The following MAP3K13 variants were observed in gnomAD, a reference collection of about 807,000 sequenced individuals.
MAP3K13 encodes the protein mitogen-activated protein kinase kinase kinase 13.
In MAP3K13, 52 loss-of-function variants were observed where a neutral mutation model predicts 104.0. That is an observed-to-expected ratio of 0.50 (90% CI 0.40 to 0.63). The LOEUF (loss-of-function observed/expected upper bound fraction) is 0.63, where lower values mean the gene tolerates loss of function less well. Ranked by LOEUF, MAP3K13 falls within the 20% of genes least tolerant of loss-of-function variation. MAP3K13 has a pLI of 0.00. For synonymous variants in MAP3K13, 394 were observed against 442.2 expected, an observed-to-expected ratio of 0.89 and a Z score of 1.37; for missense variants, 914 against 1,218.5, an observed-to-expected ratio of 0.75 and a Z score of 3.72.
At chr3:185,442,832 C>A (rs937346759) in intron 3 of MAP3K13, among the ~76,000 whole-genome samples, 2 of 151,524 alleles carry the variant, frequency 1.3e-5, no homozygotes, top group African/African-American at 4.9e-5. Context: ...CGCGGCCTGG[C>A]CAAATTATTA....
rs570204966 is a variant in MAP3K13 at position 185,471,211 on chromosome 3, C to T, written c.1644-1764C>T. Among the ~76,000 whole-genome samples, 6 of 151,884 alleles carry T rather than the reference C, an allele frequency of 4.0e-5. No homozygotes were observed. In the South Asian group the frequency reaches 1.2e-3, roughly 32 times the overall value. ...TTTTGGCTAACTTTCTAAAACACTC[C>T]TATAATAAGCAGATATTGTCATTAT... On this transcript the variant is annotated intron_variant, in intron 10 of 13. Coordinates refer to ENST00000265026, the MANE Select transcript of MAP3K13 (RefSeq NM_004721.5).
At chr3:185,357,453 AAAAAAAAAAAAAAAG>A (rs1178862519) in intron 2 of MAP3K13, among the ~76,000 whole-genome samples, 1 of 150,712 alleles carries the variant, frequency 6.6e-6, no homozygotes, top group African/African-American at 2.4e-5. Context: ...CATCTAAAAA[AAAAAAAAAAAAAAAG>A]AAAAAAAGAA....
chr3:185,459,317 C>T (rs1234335411), intron 7 of MAP3K13, among the ~76,000 whole-genome samples: 4 of 152,052 alleles, frequency 2.6e-5, no homozygotes, highest in Non-Finnish European at 4.4e-5. Flanking sequence ...CTCTAATAAG[C>T]CCCCCAAATC....
At chr3:185,417,388 T>G (rs1713839673) in intron 1 of MAP3K13, 1 of 1,168,304 alleles carries the variant, frequency 8.6e-7, no homozygotes, top group Non-Finnish European at 1.2e-6. Flanking sequence ...TGTTCTTTTC[T>G]TTTCTTTTCT....
Position 185,389,559 on chromosome 3 carries a change from T to A in MAP3K13, c.-86+26191T>A, listed in dbSNP as rs551349673. On this transcript the variant is annotated intron_variant, in intron 1 of 13. Coordinates refer to ENST00000265026, the MANE Select transcript of MAP3K13 (RefSeq NM_004721.5). Reference sequence around the variant, plus strand: ...TTGATACCTGGGGGAAATTTTTTTTTAAAAAAAGATAGAAAAGAAAAAGAA... The same window carrying A: ...TTGATACCTGGGGGAAATTTTTTTTAAAAAAAAGATAGAAAAGAAAAAGAA... Among the ~76,000 whole-genome samples, 69 of 151,808 alleles carry A rather than the reference T, an allele frequency of 4.5e-4. 1 individual carries two copies. Among genetic ancestry groups the A allele is most frequent in the East Asian group, 2.9e-3 (15 of 5,170 alleles).
At chr3:185,400,700 T>A (rs933868975) in intron 1 of MAP3K13, among the ~76,000 whole-genome samples, 10 of 152,166 alleles carry the variant, frequency 6.6e-5, no homozygotes. Flanking sequence ...ACGAAAGATC[T>A]AAATTTTAAG....
chr3:185,396,730 CAAACAAA>C (rs1712446299), intron 1 of MAP3K13, among the ~76,000 whole-genome samples: 1 of 152,170 alleles, frequency 6.6e-6, no homozygotes, highest in African/African-American at 2.4e-5. Context: ...TAGTTGTCCC[CAAACAAA>C]TGAGAGCTGA....
chr3:185,476,626 T>C (rs1718146989), intron 11 of MAP3K13: 2 of 152,538 alleles, frequency 1.3e-5, no homozygotes, highest in African/African-American at 4.8e-5. Flanking sequence ...TTACCCCGCC[T>C]TCCAGATCAA....
At chr3:185,454,738 TA>T (rs1716259050) in intron 7 of MAP3K13, among the ~76,000 whole-genome samples, 1 of 16,472 alleles carries the variant, frequency 6.1e-5, no homozygotes, top group Non-Finnish European at 2.5e-4. Context: ...ATATATGATA[TA>T]TATATCATAT....
chr3:185,481,657 C>T (rs1462493303), intron 13 of MAP3K13, among the ~76,000 whole-genome samples: 1 of 152,216 alleles, frequency 6.6e-6, no homozygotes, highest in African/African-American at 2.4e-5. Context: ...ATCTGACTGC[C>T]TGAATGCAAA....
chr3:185,332,450 G>A (rs1024873842), intron 2 of MAP3K13, among the ~76,000 whole-genome samples: 5 of 152,098 alleles, frequency 3.3e-5, no homozygotes, highest in African/African-American at 4.8e-5. Flanking sequence ...TGTACAGTTC[G>A]GTAGTGTTAA....
At chr3:185,320,083 C>T (rs1577420397) in intron 2 of MAP3K13, among the ~76,000 whole-genome samples, 1 of 143,800 alleles carries the variant, frequency 7.0e-6, no homozygotes. Context: ...ATGTAAGTAA[C>T]TTTTTTTTTT....
intron 7 of MAP3K13, among the ~76,000 whole-genome samples, chr3:185,455,872 A>G (rs1716694660): frequency 1.9e-5 from 1 of 51,950 alleles, no homozygotes; most frequent in Non-Finnish European, 5.4e-5. Flanking sequence ...TATGAGATAT[A>G]GATGAGATAT....
intron 1 of MAP3K13, among the ~76,000 whole-genome samples, chr3:185,393,358 G>A (rs988849605): frequency 1.3e-5 from 2 of 152,118 alleles, no homozygotes; most frequent in South Asian, 2.1e-4. Flanking sequence ...ATATCCACAG[G>A]GCAATAACCA....
Position 185,337,876 on chromosome 3 carries a change from C to T in MAP3K13, c.-86+52233C>T, listed in dbSNP as rs78910166. 2.7e-3 allele frequency among the ~76,000 whole-genome samples: 410 copies of T among 152,120 alleles called. 4 individuals are homozygous for T. The highest frequency in any genetic ancestry group is 0.017 in the Admixed American group (260 of 15,274). On this transcript the variant is annotated intron_variant, in intron 2 of 14. Coordinates refer to the MAP3K13 transcript ENST00000424227. ...AGTATCTAGGAAACTACAAATTTTC[C>T]TCACTAAAACTCCCTAAAATAACTA...
At chr3:185,434,462 A>G (rs996699339) in intron 2 of MAP3K13, among the ~76,000 whole-genome samples, 17 of 152,218 alleles carry the variant, frequency 1.1e-4, no homozygotes, top group Non-Finnish European at 1.0e-4. Flanking sequence ...CAGAATTTGG[A>G]ATGTATGTAT....
chr3:185,373,180 A>G (rs1471920573), intron 1 of MAP3K13, among the ~76,000 whole-genome samples: 1 of 152,188 alleles, frequency 6.6e-6, no homozygotes, highest in African/African-American at 2.4e-5. Flanking sequence ...CTGGGAAGCT[A>G]AGCTTCTGGG....
At chr3:185,362,899 T>A (rs1723688081), upstream of MAP3K13, 1 of 160,274 alleles carries the variant, frequency 6.2e-6, no homozygotes, top group African/African-American at 2.4e-5. Context: ...TCAATAACAA[T>A]AATAATGTTT....
At chr3:185,412,609 G>A (rs758657532) in intron 1 of MAP3K13, among the ~76,000 whole-genome samples, 2 of 152,226 alleles carry the variant, frequency 1.3e-5, no homozygotes, top group East Asian at 3.9e-4. Context: ...ACATTTTCTA[G>A]AGTATCATCT....
Sources: gnomAD v4.1 joint callset for allele counts (sites outside exome capture counted in the v4.1 genomes callset) on GRCh38, gnomAD v4.1.1 for gene constraint, MANE v1.5 for transcripts, NCBI Gene and HGNC (gene_info 2026-07-23, HGNC 2026-07-21) for gene names.